The following HIVEP1 variants were observed in gnomAD, a reference collection of about 807,000 sequenced individuals.
The protein encoded by HIVEP1 is HIVEP zinc finger 1.
In HIVEP1, 36 loss-of-function variants were observed where a neutral mutation model predicts 180.0. That is an observed-to-expected ratio of 0.20 (90% CI 0.15 to 0.26). The LOEUF (loss-of-function observed/expected upper bound fraction) is 0.26. HIVEP1 is among the 10% of genes least tolerant of loss of function. HIVEP1 has a pLI of 1.00. For missense variants in HIVEP1, 3,143 were observed against 3,268.7 expected (o/e 0.96, Z 0.94); for synonymous variants, 1,239 against 1,239.0 (o/e 1.00, Z 0.00).
At chr6:12,168,279 T>G (rs866108219), downstream of HIVEP1, among the ~76,000 whole-genome samples, 1 of 118,288 alleles carries the variant, frequency 8.5e-6, no homozygotes, top group African/African-American at 3.6e-5. Flanking sequence ...CATATATACA[T>G]ATATTATATA....
chr6:12,079,467 C>T (rs1465901695), intron 2 of HIVEP1, among the ~76,000 whole-genome samples: 2 of 152,276 alleles, frequency 1.3e-5, no homozygotes, highest in Middle Eastern at 3.4e-3. Flanking sequence ...TTATCTTCCT[C>T]AGTATCCACT....
chr6:12,016,570 AT>A lies in HIVEP1; in HGVS notation c.40+903del, dbSNP rs547032423. 7.9e-5 allele frequency among the ~76,000 whole-genome samples: 12 copies of A among 152,310 alleles called. No individual in the cohort carries two copies. In the East Asian group the frequency reaches 2.3e-3, roughly 29 times the overall value. On this transcript the variant is annotated intron_variant, in intron 2 of 8. Coordinates refer to ENST00000379388, the MANE Select transcript of HIVEP1 (RefSeq NM_002114.4). ...CAATTTGGCTAGTCACCATAAGGTG[AT>A]CTTTGAAAATGCAGTCAATTTTATG...
At chr6:12,022,494 T>C (rs1273540068) in intron 2 of HIVEP1, among the ~76,000 whole-genome samples, 2 of 152,194 alleles carry the variant, frequency 1.3e-5, no homozygotes, top group Non-Finnish European at 2.9e-5. Context: ...TTATAGCTTA[T>C]CCATTTGGTA....
In HIVEP1 at chr6:12,163,825, C is replaced by T. The variant is rs1760570112; in HGVS notation, c.7521C>T (p.Ala2507=). The T allele has an allele frequency of 1.2e-6, 2 of 1,614,120 alleles. No homozygotes were observed. The highest frequency in any genetic ancestry group is 1.7e-6 in the Non-Finnish European group (2 of 1,180,022). ...NIVGLANTNM[A]PQVHPPGLAL... is the part of the protein sequence containing the mutation. ...TAGGCCTAGCCAATACAAATATGGCCCCACAAGTCCATCCACCAGGACTGG... is the reference window on the plus strand; with the variant it reads ...TAGGCCTAGCCAATACAAATATGGCTCCACAAGTCCATCCACCAGGACTGG... The change falls in exon 9 of 9, where the codon GCC becomes GCT. Residue 2507 remains alanine, a synonymous_variant. Transcript: ENST00000379388.
intron 3 of HIVEP1, among the ~76,000 whole-genome samples, chr6:12,090,948 A>G (rs1246713479): frequency 6.6e-6 from 1 of 152,088 alleles, no homozygotes; most frequent in Non-Finnish European, 1.5e-5. Flanking sequence ...GGATTGGGCT[A>G]CAGTTGGCAG....
chr6:12,166,069 G>T (rs891891653), downstream of HIVEP1, among the ~76,000 whole-genome samples: 1 of 152,166 alleles, frequency 6.6e-6, no homozygotes, highest in East Asian at 1.9e-4. Context: ...TTCTGAGATA[G>T]CTTTGGAAAG....
chr6:12,153,708 A>T (rs1759845428), intron 7 of HIVEP1, among the ~76,000 whole-genome samples: 1 of 152,022 alleles, frequency 6.6e-6, no homozygotes, highest in African/African-American at 2.4e-5. Context: ...AAGTGTTGAA[A>T]TTGATTTCAA....
chr6:12,070,582 G>A (rs1182696482), intron 2 of HIVEP1, among the ~76,000 whole-genome samples: 1 of 152,108 alleles, frequency 6.6e-6, no homozygotes, highest in African/African-American at 2.4e-5. Flanking sequence ...CGTACATTTA[G>A]TCTGTTGTTA....
At chr6:12,026,720 G>T (rs1768609934) in intron 2 of HIVEP1, among the ~76,000 whole-genome samples, 1 of 152,112 alleles carries the variant, frequency 6.6e-6, no homozygotes, top group Admixed American at 6.5e-5. Context: ...CTTCACCCAA[G>T]GTCAGTATGA....
At chr6:12,077,242 GATTAGGTTTTCAGC>G (rs2113253416) in intron 2 of HIVEP1, among the ~76,000 whole-genome samples, 1 of 152,286 alleles carries the variant, frequency 6.6e-6, no homozygotes, top group African/African-American at 2.4e-5. Context: ...TGTCATATCA[GATTAGGTTTTCAGC>G]ATAGCCTGCA....
chr6:12,101,443 AG>A (rs768741109), intron 3 of HIVEP1, among the ~76,000 whole-genome samples: 3 of 152,152 alleles, frequency 2.0e-5, no homozygotes, highest in Non-Finnish European at 4.4e-5. Flanking sequence ...AGGAGGAAAA[AG>A]GAAAATAGAG....
intron 2 of HIVEP1, among the ~76,000 whole-genome samples, chr6:12,077,666 G>T (rs577377041): frequency 6.6e-6 from 1 of 152,174 alleles, no homozygotes; most frequent in Non-Finnish European, 1.5e-5. Context: ...TGGTTTGGTC[G>T]TTGGGTCTAT....
At position 12,123,956 on chromosome 6, in the gene HIVEP1, A is replaced by G. The variant is rs757308772; in HGVS notation, c.4161A>G (p.Ser1387=). The G allele has an allele frequency of 1.2e-5, 19 of 1,614,034 alleles. No individual in the cohort carries two copies. Among genetic ancestry groups the G allele is most frequent in the African/African-American group, 1.3e-5 (1 of 74,930 alleles). Residue 1387 remains serine (S), a synonymous_variant, in exon 4 of 9, where the codon TCA becomes TCG. Coordinates refer to ENST00000379388, the MANE Select transcript of HIVEP1 (RefSeq NM_002114.4). The stretch of plus-strand genomic sequence containing the variant: ...AGGTCTCTGATCTCAGAAGCAAATC[A>G]TTCGATTGTGGAAGCATCACCCCAC... ...SMEVSDLRSK[S]FDCGSITPPQ... is the part of the protein sequence containing the mutation.
At chr6:12,094,284 G>A (rs1303160141) in intron 3 of HIVEP1, among the ~76,000 whole-genome samples, 1 of 151,858 alleles carries the variant, frequency 6.6e-6, no homozygotes, top group African/African-American at 2.4e-5. Flanking sequence ...TATCAGCTGG[G>A]AATAATGAAA....
intron 2 of HIVEP1, among the ~76,000 whole-genome samples, chr6:12,065,729 A>G (rs1190638376): frequency 3.3e-5 from 5 of 151,688 alleles, no homozygotes; most frequent in African/African-American, 1.2e-4. Flanking sequence ...AATGGTTGTT[A>G]CAATATAATA....
chr6:12,202,786 C>G, the HIVEP1 span, among the ~76,000 whole-genome samples: 1 of 152,220 alleles, frequency 6.6e-6, no homozygotes, highest in South Asian at 2.1e-4. Context: ...TTCCCATTCT[C>G]TCTTCTCTTG....
downstream of HIVEP1, among the ~76,000 whole-genome samples, chr6:12,165,590 T>C (rs781226825): frequency 6.6e-6 from 1 of 152,216 alleles, no homozygotes; most frequent in Non-Finnish European, 1.5e-5. Context: ...TTCAGGAAAA[T>C]ATGGCGGCAT....
chr6:12,053,656 A>G (rs9942530), intron 2 of HIVEP1, among the ~76,000 whole-genome samples: 5,617 of 152,050 alleles, frequency 0.037, 348 homozygotes, highest in African/African-American at 0.13. Flanking sequence ...TGGAGGTGGG[A>G]TAGGGGGATG....
At chr6:12,086,704 T>C (rs193049979) in intron 2 of HIVEP1, among the ~76,000 whole-genome samples, 2 of 152,236 alleles carry the variant, frequency 1.3e-5, no homozygotes, top group Non-Finnish European at 1.5e-5. Flanking sequence ...CTGAAATTAA[T>C]GTAGTTGAGA....
Sources: gnomAD v4.1 joint callset for allele counts (sites outside exome capture counted in the v4.1 genomes callset) on GRCh38, gnomAD v4.1.1 for gene constraint, MANE v1.5 for transcripts, NCBI Gene and HGNC (gene_info 2026-07-23, HGNC 2026-07-21) for gene names.